The following IGSF3 variants were observed in gnomAD, a reference collection of about 807,000 sequenced individuals.
IGSF3 encodes the protein immunoglobulin superfamily member 3, also known as glu-Trp-Ile EWI motif-containing protein 3.
IGSF3 carries 23 observed loss-of-function variants against 114.4 expected under a neutral mutation model. The observed-to-expected ratio is 0.20, with a 90% CI of 0.14 to 0.28. The LOEUF (loss-of-function observed/expected upper bound fraction) is 0.28, where lower values mean the gene tolerates loss of function less well. Ranked by LOEUF, IGSF3 falls within the 10% of genes least tolerant of loss-of-function variation. The probability of loss-of-function intolerance (pLI) is 1.00; values close to 1 mark genes in which losing one functional copy is unlikely to be tolerated. For missense variants in IGSF3, 1,172 were observed against 1,591.5 expected (o/e 0.74, Z 4.48); for synonymous variants, 571 against 645.2 (o/e 0.88, Z 1.74).
chr1:116,643,317 C>T (rs1399635433), intron 2 of IGSF3, among the ~76,000 whole-genome samples: 3 of 152,208 alleles, frequency 2.0e-5, no homozygotes, highest in African/African-American at 7.2e-5. Flanking sequence ...AAAGATCCAC[C>T]CAACGGAACT....
In IGSF3 at chr1:116,664,632, C is replaced by T. The variant is rs1649254644; in HGVS notation, c.43+1652G>A. Among the ~76,000 whole-genome samples, 1 of 152,204 alleles carries T rather than the reference C, an allele frequency of 6.6e-6. No individual in the cohort carries two copies. The highest frequency in any genetic ancestry group is 2.4e-5 in the African/African-American group (1 of 41,446). On this transcript the variant is annotated intron_variant, in intron 2 of 10. Coordinates refer to ENST00000369486, the MANE Select transcript of IGSF3 (RefSeq NM_001007237.3). The surrounding 1 kb of genome is among the most constrained non-coding windows in gnomAD (Gnocchi z 4.6). The stretch of plus-strand genomic sequence containing the variant: ...AAACCCAGACACTAAGCGAATGACA[C>T]ATACAGTACAACAAATACAGATCCA...
Position 116,666,933 on chromosome 1 carries a change from C to T in IGSF3, c.-607G>A. 2.5e-6 allele frequency: 1 copy of T among 402,486 alleles called. No individual in the cohort carries two copies. The highest frequency in any genetic ancestry group is 4.4e-6 in the Non-Finnish European group (1 of 228,614). The allele number at this position is 402,486 out of a possible 1,614,324, so 24.9% of individuals were successfully genotyped here. On this transcript the variant is annotated 5_prime_UTR_variant, in exon 2 of 11. Transcript: ENST00000369486. ...AAGTTGGCGTTCGGCAGCCCTGAAG[C>T]GGTACCCCAGCGCGAGCAGATTTCT...
At position 116,600,589 on chromosome 1, in the gene IGSF3, G is replaced by A. The variant is rs3893630; in HGVS notation, c.1625-244C>T. ...AGCAGCACTAGCCTAACCCTTCCCAGTGAGATCCTCGTGCATTTGCTCCTC... is the reference window on the plus strand; with the variant it reads ...AGCAGCACTAGCCTAACCCTTCCCAATGAGATCCTCGTGCATTTGCTCCTC... On this transcript the variant is annotated intron_variant, in intron 6 of 10. Coordinates refer to ENST00000369486, the MANE Select transcript of IGSF3 (RefSeq NM_001007237.3). The surrounding 1 kb of genome is among the most constrained non-coding windows in gnomAD (Gnocchi z 5.5). Among the ~76,000 whole-genome samples the A allele has an allele frequency of 5.9e-5, 9 of 152,162 alleles. No individual in the cohort carries two copies. Among genetic ancestry groups the A allele is most frequent in the East Asian group, 1.9e-4 (1 of 5,174 alleles).
intron 2 of IGSF3, among the ~76,000 whole-genome samples, chr1:116,658,396 C>A (rs377298417): frequency 1.3e-5 from 2 of 151,868 alleles, no homozygotes; most frequent in African/African-American, 4.8e-5. Context: ...AACAGGCCCC[C>A]CTTTGCTTCG....
Position 116,592,040 on chromosome 1 carries a change from C to A in IGSF3, c.2030-2936G>T, listed in dbSNP as rs1009742545. On this transcript the variant is annotated intron_variant, in intron 7 of 10. Coordinates refer to ENST00000369486, the MANE Select transcript of IGSF3 (RefSeq NM_001007237.3). The surrounding 1 kb of genome is among the most constrained non-coding windows in gnomAD (Gnocchi z 4.5). ...GCCTTGTCCCAAGTTCAAAGTTCAACACTTAGAATGGGAGTTGTCAAGCAT... is the reference window on the plus strand; with the variant it reads ...GCCTTGTCCCAAGTTCAAAGTTCAAAACTTAGAATGGGAGTTGTCAAGCAT... 2.0e-5 allele frequency among the ~76,000 whole-genome samples: 3 copies of A among 152,244 alleles called. No homozygotes were observed. Among genetic ancestry groups the A allele is most frequent in the African/African-American group, 7.2e-5 (3 of 41,538 alleles).
chr1:116,580,782 G>A (rs1659570398), intron 9 of IGSF3, among the ~76,000 whole-genome samples: 1 of 152,236 alleles, frequency 6.6e-6, no homozygotes, highest in African/African-American at 2.4e-5. Context: ...TATGAGCACA[G>A]GAGAGAAGAC....
In IGSF3 at chr1:116,608,232, T is replaced by C. The variant is rs777986471; in HGVS notation, c.932A>G (p.Asp311Gly). 4 of 1,609,786 alleles carry C rather than the reference T, an allele frequency of 2.5e-6. No individual in the cohort carries two copies. In the African/African-American group the frequency reaches 4.0e-5, roughly 16 times the overall value. Reference sequence around the variant, plus strand: ...GGCCCAGGAGACAGCAAAGTAACGGTCGGGAACATTCTGAGCCTCCAGGAT... The same window carrying C: ...GGCCCAGGAGACAGCAAAGTAACGGCCGGGAACATTCTGAGCCTCCAGGAT... Reference protein sequence around the residue: ...RCILEAQNVPDRYFAVSWAFN... With the variant: ...RCILEAQNVPGRYFAVSWAFN... The change falls in exon 5 of 11, where the codon GAC becomes GGC. Residue 311 changes from aspartate to glycine, a missense_variant. By Grantham distance (94) the Asp-to-Gly change is moderately conservative. Around this residue, in one of 3 missense-constraint regions of IGSF3, gnomAD observed 736 missense variants for 1,042.0 expected, o/e 0.71. Coordinates refer to ENST00000369486, the MANE Select transcript of IGSF3 (RefSeq NM_001007237.3).
intron 2 of IGSF3, among the ~76,000 whole-genome samples, chr1:116,621,815 A>G (rs1230881010): frequency 6.6e-6 from 1 of 152,258 alleles, no homozygotes; most frequent in Admixed American, 6.5e-5. Flanking sequence ...GTCCTTTTAG[A>G]TTGGGTTTTG....
intron 2 of IGSF3, among the ~76,000 whole-genome samples, chr1:116,641,443 C>A (rs1270295600): frequency 7.6e-6 from 1 of 130,736 alleles, no homozygotes; most frequent in African/African-American, 3.1e-5. Context: ...TTGCAGTGAG[C>A]CAAGATTGTG....
rs372235081 is a variant in IGSF3, at chr1:116,579,406, C to T, written c.3320G>A (p.Arg1107His). ...TEEESAPIGIRVLDTSPTLQS... is the reference protein window; with the variant it reads ...TEEESAPIGIHVLDTSPTLQS... Reference sequence around the variant, plus strand: ...GGGAAACTCACTTGTATCTAGAACACGGATGCCGATGGGGGCTGACTCCTC... The same window carrying T: ...GGGAAACTCACTTGTATCTAGAACATGGATGCCGATGGGGGCTGACTCCTC... Residue 1107 changes from arginine (R) to histidine (H), a missense_variant, in exon 10 of 11, where the codon CGT becomes CAT. Transcript: ENST00000369486. This position sits in a 1 kb window ranked among gnomAD's most constrained non-coding sequence, Gnocchi z 6.4. 4.8e-5 allele frequency: 76 copies of T among 1,572,408 alleles called. 1 individual carries two copies. In the Middle Eastern group the frequency reaches 5.1e-4, roughly 11 times the overall value.
chr1:116,631,866 C>T (rs1299644371), intron 2 of IGSF3, among the ~76,000 whole-genome samples: 1 of 152,168 alleles, frequency 6.6e-6, no homozygotes, highest in African/African-American at 2.4e-5. Flanking sequence ...CCATGATAAC[C>T]CATGGATCGA....
chr1:116,646,368 A>T (rs761150621), intron 2 of IGSF3, among the ~76,000 whole-genome samples: 2 of 152,156 alleles, frequency 1.3e-5, no homozygotes, highest in African/African-American at 4.8e-5. Flanking sequence ...AAGAGGATGG[A>T]TTCAGAAGAC....
In IGSF3 at chr1:116,642,177, T is replaced by C. The variant is rs997336479; in HGVS notation, c.43+24107A>G. On this transcript the variant is annotated intron_variant, in intron 2 of 10. Coordinates refer to ENST00000369486, the MANE Select transcript of IGSF3 (RefSeq NM_001007237.3). The surrounding 1 kb of genome is among the most constrained non-coding windows in gnomAD (Gnocchi z 5.4). ...TGAAATATAGAACATTTCATTTTTTTCCCACACACCTCGCATCTGATTTTT... is the reference window on the plus strand; with the variant it reads ...TGAAATATAGAACATTTCATTTTTTCCCCACACACCTCGCATCTGATTTTT... Among the ~76,000 whole-genome samples, 3 of 152,168 alleles carry C rather than the reference T, an allele frequency of 2.0e-5. No individual in the cohort carries two copies. The highest frequency in any genetic ancestry group is 4.4e-5 in the Non-Finnish European group (3 of 68,026).
At position 116,578,266 on chromosome 1, in the gene IGSF3, C is replaced by T. The variant is rs187826405; in HGVS notation, c.3335-704G>A. Among the ~76,000 whole-genome samples, 595 of 152,136 alleles carry T rather than the reference C, an allele frequency of 3.9e-3. 6 individuals carry two copies. Among genetic ancestry groups the T allele is most frequent in the Non-Finnish European group, 3.6e-3 (244 of 68,000 alleles). On this transcript the variant is annotated intron_variant, in intron 10 of 10. Transcript: ENST00000369486. ...AAGGCTGCTGGGTGACCTCTGTGCT[C>T]GATGAAGCTTAATAATTAGGGACAT...
intron 2 of IGSF3, among the ~76,000 whole-genome samples, chr1:116,619,629 T>C (rs915317964): frequency 6.6e-5 from 10 of 152,120 alleles, no homozygotes; most frequent in Admixed American, 2.0e-4. Flanking sequence ...CATTCCCCTA[T>C]AATAGTAATA....
chr1:116,666,204 A>G, intron 2 of IGSF3, 80 bp downstream of exon 2: 1 of 1,383,270 alleles, frequency 7.2e-7, no homozygotes. Flanking sequence ...GTGTTGATGA[A>G]AAAGAACCAC....
chr1:116,605,303 T>C lies in IGSF3; in HGVS notation c.1223-1278A>G, dbSNP rs1660748225. Among the ~76,000 whole-genome samples the C allele has an allele frequency of 1.3e-5, 2 of 151,930 alleles. No homozygotes were observed. Among genetic ancestry groups the C allele is most frequent in the Admixed American group, 1.3e-4 (2 of 15,264 alleles). ...TTTGAATCAAATCTTTTCTCTCCTT[T>C]ATTTCCCCAACAAGCAGAAACAAAG... On this transcript the variant is annotated intron_variant, in intron 5 of 10. Transcript: ENST00000369486. The surrounding 1 kb of genome is among the most constrained non-coding windows in gnomAD (Gnocchi z 5.1).
chr1:116,662,125 C>T lies in IGSF3; in HGVS notation c.43+4159G>A, dbSNP rs1649143492. ...TTTGCTCATTGCCCAGGCTGGAGTG[C>T]AACGGCGCGATCTCGGCTCACTGCA... On this transcript the variant is annotated intron_variant, in intron 2 of 10. Coordinates refer to ENST00000369486, the MANE Select transcript of IGSF3 (RefSeq NM_001007237.3). This position sits in a 1 kb window ranked among gnomAD's most constrained non-coding sequence, Gnocchi z 4.3. Among the ~76,000 whole-genome samples the T allele has an allele frequency of 6.6e-6, 1 of 151,868 alleles. No homozygotes were observed. The highest frequency in any genetic ancestry group is 6.6e-5 in the Admixed American group (1 of 15,250).
At chr1:116,663,054 A>T (rs1326855872) in intron 2 of IGSF3, among the ~76,000 whole-genome samples, 1 of 152,188 alleles carries the variant, frequency 6.6e-6, no homozygotes, top group African/African-American at 2.4e-5. Context: ...TTTGCCATCT[A>T]CAGGTTCTCA....
Sources: allele counts gnomAD v4.1 joint callset (sites outside exome capture counted in the v4.1 genomes callset), GRCh38; gene constraint gnomAD v4.1.1; regional missense constraint gnomAD v4.1.1; non-coding constraint Gnocchi (gnomAD v3.1); transcripts MANE v1.5; gene names NCBI Gene and HGNC (gene_info 2026-07-23, HGNC 2026-07-21).